CDIN1: variants seen among roughly 807,000 people sequenced by gnomAD.
CDIN1 encodes the protein CDAN1 interacting nuclease 1.
A neutral mutation model predicts 45.3 loss-of-function variants in CDIN1; 33 were observed. The ratio of observed to expected loss-of-function variants is 0.73; its 90% confidence interval spans 0.55 to 0.97. CDIN1 has a LOEUF of 0.97. CDIN1 is among the 50% of genes least tolerant of loss of function. The probability of loss-of-function intolerance (pLI) is 0.00; values close to 1 mark genes in which losing one functional copy is unlikely to be tolerated. For synonymous variants in CDIN1, 118 were observed against 124.4 expected (o/e 0.95, Z 0.34); for missense variants, 303 against 339.4 (o/e 0.89, Z 0.84).
chr15:36,749,223 T>C (rs2053390686), intron 10 of CDIN1, among the ~76,000 whole-genome samples: 2 of 152,224 alleles, frequency 1.3e-5, no homozygotes, highest in Admixed American at 1.3e-4. Context: ...AATTTTAATG[T>C]ATACGATTTC....
intron 10 of CDIN1, among the ~76,000 whole-genome samples, chr15:36,726,510 T>C (rs1234128779): frequency 6.6e-6 from 1 of 152,218 alleles, no homozygotes; most frequent in African/African-American, 2.4e-5. Flanking sequence ...TGTATAACTT[T>C]TAATTGACAT....
intron 10 of CDIN1, among the ~76,000 whole-genome samples, chr15:36,744,461 C>T (rs1012994631): frequency 1.3e-5 from 2 of 152,160 alleles, no homozygotes; most frequent in African/African-American, 4.8e-5. Flanking sequence ...TATGTTCACT[C>T]ATTAAGTTGG....
rs1337209065 is a variant in CDIN1, at chr15:36,809,892, A to G, written c.*1439A>G. On this transcript the variant is annotated 3_prime_UTR_variant, in exon 11 of 11. Transcript: ENST00000566621. ...CCAACATGTGTGGATTTTAACTCTG[A>G]GTGGGGTGCATTAAATCAAAAGAGA... The G allele has an allele frequency of 6.6e-6, 1 of 152,108 alleles. No homozygotes were observed. The highest frequency in any genetic ancestry group is 1.5e-5 in the Non-Finnish European group (1 of 68,018). 9.4% of individuals were successfully genotyped at this position (152,108 alleles called of 1,614,324 possible).
chr15:36,617,229 A>G, intron 1 of CDIN1: 1 of 877,960 alleles, frequency 1.1e-6, no homozygotes, highest in Non-Finnish European at 2.0e-6. Context: ...ATGAAACAGC[A>G]GCCACATCGG....
At chr15:36,664,306 A>G (rs1456119017) in intron 5 of CDIN1, among the ~76,000 whole-genome samples, 1 of 152,154 alleles carries the variant, frequency 6.6e-6, no homozygotes, top group East Asian at 1.9e-4. Flanking sequence ...GTATAAACGG[A>G]ATGGTTTTTC....
intron 1 of CDIN1, among the ~76,000 whole-genome samples, chr15:36,595,518 C>T (rs780823927): frequency 1.2e-4 from 18 of 151,966 alleles, no homozygotes; most frequent in Non-Finnish European, 1.6e-4. Flanking sequence ...TGTTATAGTA[C>T]CTGAACACCT....
chr15:36,651,832 A>G (rs2040587496), intron 3 of CDIN1, among the ~76,000 whole-genome samples: 1 of 152,182 alleles, frequency 6.6e-6, no homozygotes, highest in South Asian at 2.1e-4. Flanking sequence ...AAGTATGGTC[A>G]TGCTTTTAAT....
intron 10 of CDIN1, among the ~76,000 whole-genome samples, chr15:36,725,785 G>A (rs933339399): frequency 6.6e-6 from 1 of 152,026 alleles, no homozygotes; most frequent in Non-Finnish European, 1.5e-5. Context: ...TGGTGGCATG[G>A]AGAGGGGAAG....
At chr15:36,682,418 G>A (rs2041882914) in intron 5 of CDIN1, among the ~76,000 whole-genome samples, 3 of 152,012 alleles carry the variant, frequency 2.0e-5, no homozygotes. Flanking sequence ...AGGGCAATTT[G>A]TTTTACCCAG....
intron 10 of CDIN1, among the ~76,000 whole-genome samples, chr15:36,797,133 C>T (rs533188412): frequency 6.6e-6 from 1 of 152,278 alleles, no homozygotes; most frequent in African/African-American, 2.4e-5. Flanking sequence ...ATGACATAGG[C>T]ATTGTAGAGA....
rs546982398 is a variant in CDIN1, at chr15:36,598,807, G to GT, written c.101+18853dup. Among the ~76,000 whole-genome samples, 96 of 151,716 alleles carry GT rather than the reference G, an allele frequency of 6.3e-4. 1 individual carries two copies. The Middle Eastern group carries it at 0.01, about 16-fold the overall frequency. The stretch of plus-strand genomic sequence containing the variant: ...GTCTCTTGAATATTAGCTTTAGTGA[G>GT]TTTTTTTGTTTGTTTGTTTGTTTTT... On this transcript the variant is annotated intron_variant, in intron 1 of 10. Transcript: ENST00000566621.
chr15:36,699,599 C>T (rs531732506), intron 8 of CDIN1, among the ~76,000 whole-genome samples: 1 of 152,218 alleles, frequency 6.6e-6, no homozygotes, highest in East Asian at 1.9e-4. Flanking sequence ...TATATTAACC[C>T]TTCTTAATTT....
chr15:36,676,699 A>T (rs1407448121), intron 5 of CDIN1, among the ~76,000 whole-genome samples: 1 of 152,082 alleles, frequency 6.6e-6, no homozygotes, highest in Non-Finnish European at 1.5e-5. Flanking sequence ...CTGATCTTGA[A>T]TGGGAGTTTT....
chr15:36,780,285 A>G (rs961304019), intron 10 of CDIN1, among the ~76,000 whole-genome samples: 9 of 152,236 alleles, frequency 5.9e-5, no homozygotes, highest in Non-Finnish European at 1.3e-4. Flanking sequence ...CTTTATGCCA[A>G]TAAATGCTTG....
intron 1 of CDIN1, among the ~76,000 whole-genome samples, chr15:36,595,513 T>C (rs1027122176): frequency 3.3e-5 from 5 of 152,142 alleles, no homozygotes; most frequent in African/African-American, 7.2e-5. Context: ...GCTCATGTTA[T>C]AGTACCTGAA....
intron 1 of CDIN1, among the ~76,000 whole-genome samples, chr15:36,607,510 G>A (rs777018193): frequency 2.6e-5 from 4 of 151,944 alleles, no homozygotes; most frequent in Non-Finnish European, 4.4e-5. Context: ...ATTCCATCTG[G>A]AGTCTTGTTC....
At chr15:36,681,410 C>G (rs1343154377) in intron 5 of CDIN1, among the ~76,000 whole-genome samples, 7 of 152,004 alleles carry the variant, frequency 4.6e-5, no homozygotes, top group Non-Finnish European at 7.4e-5. Flanking sequence ...AATACAAACA[C>G]TTTGTGAGAG....
intron 3 of CDIN1, among the ~76,000 whole-genome samples, chr15:36,652,386 A>G (rs2140443213): frequency 6.6e-6 from 1 of 152,276 alleles, no homozygotes; most frequent in African/African-American, 2.4e-5. Flanking sequence ...GTATAGGCTT[A>G]AATACGCTGA....
intron 10 of CDIN1, among the ~76,000 whole-genome samples, chr15:36,796,242 A>G (rs1411134377): frequency 6.6e-6 from 1 of 152,208 alleles, no homozygotes; most frequent in Non-Finnish European, 1.5e-5. Context: ...GAACATATAC[A>G]GATTCAGTTG....
Sources: gnomAD v4.1 joint callset for allele counts (sites outside exome capture counted in the v4.1 genomes callset) on GRCh38, gnomAD v4.1.1 for gene constraint, MANE v1.5 for transcripts, NCBI Gene and HGNC (gene_info 2026-07-23, HGNC 2026-07-21) for gene names.